SLC16A10: variants seen among roughly 807,000 people sequenced by gnomAD.
SLC16A10 encodes the protein monocarboxylate transporter 10.
Under a neutral mutation model 40.0 loss-of-function variants are expected in SLC16A10, and 27 were observed. The ratio of observed to expected loss-of-function variants is 0.67; its 90% confidence interval spans 0.50 to 0.93. SLC16A10 has a LOEUF of 0.93. Ranked by LOEUF, SLC16A10 falls within the 40% of genes least tolerant of loss-of-function variation. The probability of loss-of-function intolerance (pLI) is 0.00; values close to 1 mark genes in which losing one functional copy is unlikely to be tolerated. For missense variants in SLC16A10, 529 were observed against 658.2 expected, an observed-to-expected ratio of 0.80 and a Z score of 2.15; for synonymous variants, 213 against 249.8, an observed-to-expected ratio of 0.85 and a Z score of 1.39.
At chr6:111,095,894 A>G (rs865993246) in intron 1 of SLC16A10, among the ~76,000 whole-genome samples, 7 of 152,192 alleles carry the variant, frequency 4.6e-5, no homozygotes, top group South Asian at 2.1e-4. Context: ...AGCCTCAGAT[A>G]TTTCTTCATA....
In SLC16A10 at chr6:111,219,007, T is replaced by C; in HGVS notation, c.1280T>C (p.Met427Thr). ...GCAATTGGATTTCTGCTCGGATTCA[T>C]GTCTATACCCATGACTGTTGGCCCA... ...SQAIGFLLGF[M>T]SIPMTVGPPI... is the part of the protein sequence containing the mutation. The change falls in exon 5 of 6, where the codon ATG (methionine) becomes ACG (threonine). Residue 427 changes from methionine (M) to threonine (T), a missense_variant. Met to Thr is a moderately conservative substitution (Grantham distance 81). Coordinates refer to ENST00000368851, the MANE Select transcript of SLC16A10 (RefSeq NM_018593.5). The C allele has an allele frequency of 1.2e-6, 2 of 1,614,220 alleles. No individual in the cohort carries two copies. The highest frequency in any genetic ancestry group is 1.7e-6 in the Non-Finnish European group (2 of 1,180,038).
At position 111,163,387 on chromosome 6, in the gene SLC16A10, C is replaced by T. The variant is rs906057248; in HGVS notation, c.344-9308C>T. Among the ~76,000 whole-genome samples the T allele has an allele frequency of 4.1e-4, 62 of 151,808 alleles. 1 individual carries two copies. Among genetic ancestry groups the T allele is most frequent in the South Asian group, 2.3e-3 (11 of 4,806 alleles). Reference sequence around the variant, plus strand: ...CGGGATGGTCTCGATCTCCTGACCTCGTGATCCGCCCGCCTCGGCCTCCCA... The same window carrying T: ...CGGGATGGTCTCGATCTCCTGACCTTGTGATCCGCCCGCCTCGGCCTCCCA... On this transcript the variant is annotated intron_variant, in intron 1 of 5. Transcript: ENST00000368851.
Position 111,088,016 on chromosome 6 carries a change from G to A in SLC16A10, c.264G>A (p.Gln88=). 1.2e-6 allele frequency: 2 copies of A among 1,610,092 alleles called. No homozygotes were observed. Among genetic ancestry groups the A allele is most frequent in the Non-Finnish European group, 1.7e-6 (2 of 1,178,266 alleles). The change falls in exon 1 of 6, where the codon CAG becomes CAA. Residue 88 remains glutamine (Q), a synonymous_variant. Transcript: ENST00000368851. ...MWCNGSVFGI[Q]NACGVLFVSM... ...GCAACGGGTCGGTGTTCGGCATCCA[G>A]AACGCTTGCGGGGTGCTCTTCGTGT...
At chr6:111,205,951 G>A (rs1452097071) in intron 3 of SLC16A10, among the ~76,000 whole-genome samples, 1 of 152,174 alleles carries the variant, frequency 6.6e-6, no homozygotes, top group Non-Finnish European at 1.5e-5. Flanking sequence ...AATGTAACGG[G>A]TCCTTGGGTG....
intron 1 of SLC16A10, among the ~76,000 whole-genome samples, chr6:111,141,473 A>G (rs752972147): frequency 6.6e-6 from 1 of 152,052 alleles, no homozygotes; most frequent in African/African-American, 2.4e-5. Context: ...GACCAGCCTG[A>G]CCAACATGGA....
At chr6:111,093,197 A>G (rs1771014911) in intron 1 of SLC16A10, among the ~76,000 whole-genome samples, 1 of 149,836 alleles carries the variant, frequency 6.7e-6, no homozygotes, top group Non-Finnish European at 1.5e-5. Context: ...GCAACAAGAG[A>G]GAAACTTTGT....
At chr6:111,192,605 C>T (rs1040852572) in intron 3 of SLC16A10, among the ~76,000 whole-genome samples, 9 of 152,144 alleles carry the variant, frequency 5.9e-5, no homozygotes, top group Non-Finnish European at 1.2e-4. Flanking sequence ...CTGTATTAAT[C>T]TGTTCTCATG....
intron 4 of SLC16A10, among the ~76,000 whole-genome samples, chr6:111,208,956 C>A (rs772704077): frequency 1.3e-5 from 2 of 151,960 alleles, no homozygotes; most frequent in Non-Finnish European, 2.9e-5. Flanking sequence ...AATATCAACA[C>A]TTTAGGAGGC....
At chr6:111,130,528 C>T (rs984740260) in intron 1 of SLC16A10, among the ~76,000 whole-genome samples, 2 of 152,140 alleles carry the variant, frequency 1.3e-5, no homozygotes, top group Non-Finnish European at 2.9e-5. Flanking sequence ...CAGCACTAGA[C>T]ATTCTGTTAT....
At chr6:111,208,394 A>C (rs1326422088) in intron 4 of SLC16A10, among the ~76,000 whole-genome samples, 1 of 152,150 alleles carries the variant, frequency 6.6e-6, no homozygotes, top group Non-Finnish European at 1.5e-5. Context: ...GAGATTAGAC[A>C]TGGTGAAACC....
intron 1 of SLC16A10, among the ~76,000 whole-genome samples, chr6:111,135,777 T>G (rs2114495471): frequency 6.6e-6 from 1 of 152,326 alleles, no homozygotes; most frequent in African/African-American, 2.4e-5. Context: ...ATGATTTACT[T>G]TTAGCCGCCC....
At chr6:111,184,267 T>G (rs1272113868) in intron 3 of SLC16A10, among the ~76,000 whole-genome samples, 1 of 152,180 alleles carries the variant, frequency 6.6e-6, no homozygotes, top group Non-Finnish European at 1.5e-5. Flanking sequence ...CTGACTCATA[T>G]TGAAATCTGT....
At chr6:111,144,348 C>T (rs532105680) in intron 1 of SLC16A10, among the ~76,000 whole-genome samples, 52 of 152,170 alleles carry the variant, frequency 3.4e-4, no homozygotes, top group Non-Finnish European at 6.2e-4. Context: ...GGACTACAGG[C>T]ACACGCTGCT....
chr6:111,113,161 T>C (rs1360852443), intron 1 of SLC16A10, among the ~76,000 whole-genome samples: 1 of 152,252 alleles, frequency 6.6e-6, no homozygotes, highest in African/African-American at 2.4e-5. Flanking sequence ...TGTAATACTT[T>C]AATATGAGTA....
At chr6:111,097,868 G>A (rs536393722) in intron 1 of SLC16A10, among the ~76,000 whole-genome samples, 6 of 152,196 alleles carry the variant, frequency 3.9e-5, no homozygotes, top group African/African-American at 1.4e-4. Flanking sequence ...CTAAATGAAA[G>A]GTCAATGATT....
At chr6:111,105,436 A>T (rs554000553) in intron 1 of SLC16A10, among the ~76,000 whole-genome samples, 1 of 152,158 alleles carries the variant, frequency 6.6e-6, no homozygotes, top group Non-Finnish European at 1.5e-5. Context: ...TCTGACTGGG[A>T]CTGGGGTGGA....
chr6:111,138,284 GTTT>G (rs1351280583), intron 1 of SLC16A10, among the ~76,000 whole-genome samples: 1 of 152,208 alleles, frequency 6.6e-6, no homozygotes, highest in African/African-American at 2.4e-5. Flanking sequence ...GCAGGCATGT[GTTT>G]TAGGCAGAGA....
At chr6:111,200,191 T>G (rs1395474068) in intron 3 of SLC16A10, among the ~76,000 whole-genome samples, 1 of 152,162 alleles carries the variant, frequency 6.6e-6, no homozygotes, top group Non-Finnish European at 1.5e-5. Flanking sequence ...TGTACCACAG[T>G]TTAGCCACAA....
At chr6:111,115,263 C>T (rs1051516406) in intron 1 of SLC16A10, among the ~76,000 whole-genome samples, 3 of 151,938 alleles carry the variant, frequency 2.0e-5, no homozygotes, top group Admixed American at 6.6e-5. Flanking sequence ...CAGGCTGGAG[C>T]GCAGTGGCAC....
Sources: gnomAD v4.1 joint callset for allele counts (sites outside exome capture counted in the v4.1 genomes callset) on GRCh38, gnomAD v4.1.1 for gene constraint, MANE v1.5 for transcripts, NCBI Gene and HGNC (gene_info 2026-07-23, HGNC 2026-07-21) for gene names.